Variants in CPED1 observed in about 807,000 individuals in gnomAD.
The protein encoded by CPED1 is cadherin like and PC-esterase domain containing 1, also known as cadherin-like and PC-esterase domain-containing protein 1.
In CPED1, 114 loss-of-function variants were observed where a neutral mutation model predicts 128.2. The observed-to-expected ratio is 0.89, with a 90% CI of 0.76 to 1.04. CPED1 has a LOEUF of 1.04. Ranked by LOEUF, CPED1 falls within the 50% of genes least tolerant of loss-of-function variation. CPED1 has a pLI of 0.00. For synonymous variants in CPED1, 462 were observed against 426.7 expected, an observed-to-expected ratio of 1.08 and a Z score of -1.02; for missense variants, 1,211 against 1,207.1, an observed-to-expected ratio of 1.00 and a Z score of -0.05.
chr7:121,070,837 C>A lies in CPED1; in HGVS notation c.616+6524C>A, dbSNP rs117296195. Among the ~76,000 whole-genome samples, 1,358 of 152,266 alleles carry A rather than the reference C, an allele frequency of 8.9e-3. 13 individuals carry two copies. Among genetic ancestry groups the A allele is most frequent in the Middle Eastern group, 0.027 (8 of 294 alleles). ...TTATCCAGACTCTAGCCAGATTGAT[C>A]TTCCTCCCACCAGTTCGTAAATAAC... On this transcript the variant is annotated intron_variant, in intron 5 of 22. Coordinates refer to ENST00000310396, the MANE Select transcript of CPED1 (RefSeq NM_024913.5).
intron 21 of CPED1, among the ~76,000 whole-genome samples, chr7:121,269,827 G>C (rs1792198132): frequency 6.6e-6 from 1 of 151,972 alleles, no homozygotes; most frequent in Non-Finnish European, 1.5e-5. Context: ...AGAAATACCA[G>C]AGACTAGGTA....
chr7:121,037,096 A>G (rs1269024647), intron 3 of CPED1, among the ~76,000 whole-genome samples: 1 of 151,974 alleles, frequency 6.6e-6, no homozygotes, highest in Non-Finnish European at 1.5e-5. Flanking sequence ...ATTGTCTGTT[A>G]ATTCTGCTGA....
At chr7:121,112,799 T>C (rs990415063) in intron 7 of CPED1, among the ~76,000 whole-genome samples, 1 of 152,108 alleles carries the variant, frequency 6.6e-6, no homozygotes, top group African/African-American at 2.4e-5. Context: ...GGGGTGTGCA[T>C]ACTGGGATAG....
At position 121,097,725 on chromosome 7, in the gene CPED1, G is replaced by A. The variant is rs760487020; in HGVS notation, c.643G>A (p.Val215Met). 12 of 1,613,702 alleles carry A rather than the reference G, an allele frequency of 7.4e-6. No homozygotes were observed. The highest frequency in any genetic ancestry group is 1.7e-5 in the Admixed American group (1 of 59,970). The change falls in exon 6 of 23, where the codon GTG becomes ATG. Residue 215 changes from valine to methionine, a missense_variant. Physicochemically the swap from Val to Met is conservative, Grantham distance 21. Coordinates refer to ENST00000310396, the MANE Select transcript of CPED1 (RefSeq NM_024913.5). ...ACTGCAACTTCCAGTGAGTCCCTCT[G>A]TGTGTCTGGATCAGGGAATGCAATT... is the stretch of plus-strand genomic sequence containing the variant. ...PELQLPVSPS[V>M]CLDQGMQLKP...
rs376665497 is a variant in CPED1, at chr7:121,097,811, G to A, written c.729G>A (p.Gly243=). 2 of 1,613,682 alleles carry A rather than the reference G, an allele frequency of 1.2e-6. 1 individual carries two copies. The highest frequency in any genetic ancestry group is 2.7e-5 in the African/African-American group (2 of 74,990). ...KTVKPRVWKP[G]DWSREQLNET... ...TGAAGCCACGTGTGTGGAAACCAGG[G>A]GACTGGAGTCGTGAACAGCTGTAAG... The change falls in exon 6 of 23, where the codon GGG becomes GGA. Residue 243 remains glycine (G), a synonymous_variant. Coordinates refer to ENST00000310396, the MANE Select transcript of CPED1 (RefSeq NM_024913.5).
chr7:121,264,691 C>G (rs1276265477), intron 18 of CPED1, among the ~76,000 whole-genome samples: 1 of 151,870 alleles, frequency 6.6e-6, no homozygotes, highest in Non-Finnish European at 1.5e-5. Flanking sequence ...GATGGCAATG[C>G]CTGCCATTAA....
chr7:121,130,108 A>G lies in CPED1; in HGVS notation c.1408-17A>G, dbSNP rs373307547. 3 of 1,598,528 alleles carry G rather than the reference A, an allele frequency of 1.9e-6. No homozygotes were observed. The highest frequency in any genetic ancestry group is 2.2e-5 in the East Asian group (1 of 44,752). ...AATTTGTTTTCCATAACTTATACTG[A>G]TATTTTGTGTTCTCAGCTCTTCCCA... On this transcript the variant is annotated splice_polypyrimidine_tract_variant and intron_variant, in intron 11 of 22. Coordinates refer to ENST00000310396, the MANE Select transcript of CPED1 (RefSeq NM_024913.5).
chr7:121,079,163 A>G (rs1428152695), intron 5 of CPED1, among the ~76,000 whole-genome samples: 2 of 152,166 alleles, frequency 1.3e-5, no homozygotes, highest in Non-Finnish European at 2.9e-5. Context: ...ACTTCAACAT[A>G]TAAATATGGG....
chr7:121,254,503 G>GA (rs1475644554), intron 18 of CPED1, among the ~76,000 whole-genome samples: 1 of 151,592 alleles, frequency 6.6e-6, no homozygotes, highest in Non-Finnish European at 1.5e-5. Flanking sequence ...AAAGGAATTA[G>GA]AAAAAAGAGA....
intron 16 of CPED1, among the ~76,000 whole-genome samples, chr7:121,228,031 C>T (rs1229367230): frequency 1.3e-5 from 2 of 151,982 alleles, no homozygotes; most frequent in African/African-American, 4.8e-5. Context: ...AATGTAATCC[C>T]AGAAACTGTA....
chr7:121,252,008 C>T (rs1211898590), intron 18 of CPED1, among the ~76,000 whole-genome samples: 4 of 151,628 alleles, frequency 2.6e-5, no homozygotes, highest in South Asian at 2.1e-4. Context: ...ATTGCCAAGT[C>T]AATCCTAAGC....
At chr7:121,287,430 A>G (rs1490466601) in intron 22 of CPED1, among the ~76,000 whole-genome samples, 4 of 152,198 alleles carry the variant, frequency 2.6e-5, no homozygotes, top group African/African-American at 9.7e-5. Flanking sequence ...AGAGGTTTCC[A>G]AAGGAACAAC....
intron 5 of CPED1, among the ~76,000 whole-genome samples, chr7:121,089,424 A>G (rs1217437812): frequency 1.3e-5 from 2 of 152,230 alleles, no homozygotes; most frequent in African/African-American, 4.8e-5. Flanking sequence ...AATACCAGGT[A>G]AAAATTGAAG....
chr7:121,035,906 T>C (rs1489217300), intron 3 of CPED1, among the ~76,000 whole-genome samples: 1 of 150,842 alleles, frequency 6.6e-6, no homozygotes, highest in Non-Finnish European at 1.5e-5. Context: ...GATAATGGGT[T>C]CAAATTTGTA....
intron 16 of CPED1, among the ~76,000 whole-genome samples, chr7:121,191,167 T>G (rs1056506149): frequency 3.9e-5 from 6 of 152,162 alleles, no homozygotes; most frequent in African/African-American, 1.4e-4. Context: ...ACTGTTTGAT[T>G]CATGCTTTTT....
chr7:121,026,061 A>T (rs1330024414), intron 3 of CPED1, among the ~76,000 whole-genome samples: 2 of 152,140 alleles, frequency 1.3e-5, no homozygotes, highest in African/African-American at 2.4e-5. Flanking sequence ...CCGTTAGGAG[A>T]TCACTATGAT....
chr7:121,191,742 G>T (rs917972203), intron 16 of CPED1, among the ~76,000 whole-genome samples: 8 of 151,916 alleles, frequency 5.3e-5, no homozygotes, highest in African/African-American at 1.9e-4. Context: ...TTTAATTGGC[G>T]AGCTCATCAC....
chr7:121,116,958 C>A (rs1198696368), intron 7 of CPED1, among the ~76,000 whole-genome samples: 105 of 80,782 alleles, frequency 1.3e-3, no homozygotes, highest in Middle Eastern at 5.0e-3. Flanking sequence ...CTCTCTCTCT[C>A]TCTCTATATA....
chr7:121,185,221 C>G (rs1257172196), intron 16 of CPED1, among the ~76,000 whole-genome samples: 2 of 152,064 alleles, frequency 1.3e-5, no homozygotes, highest in Non-Finnish European at 2.9e-5. Context: ...TTAAGTGGCA[C>G]AGACAAATAT....
Sources: gnomAD v4.1 joint callset for allele counts (sites outside exome capture counted in the v4.1 genomes callset) on GRCh38, gnomAD v4.1.1 for gene constraint, MANE v1.5 for transcripts, NCBI Gene and HGNC (gene_info 2026-07-23, HGNC 2026-07-21) for gene names.